The following HMGN1 variants were observed in gnomAD, a reference collection of about 807,000 sequenced individuals.
The protein encoded by HMGN1 is non-histone chromosomal protein HMG-14.
In HMGN1, 9 loss-of-function variants were observed where a neutral mutation model predicts 18.4. The ratio of observed to expected loss-of-function variants is 0.49; its 90% CI spans 0.29 to 0.85. The LOEUF (loss-of-function observed/expected upper bound fraction) is 0.85, where lower values mean the gene tolerates loss of function less well. HMGN1 is among the 40% of genes least tolerant of loss of function. The pLI is 0.07. For missense variants in HMGN1, 151 were observed against 119.2 expected (o/e 1.27, Z -1.24); for synonymous variants, 59 against 45.0 (o/e 1.31, Z -1.24).
At chr21:39,345,800 G>C in intron 4 of HMGN1, 1 of 1,294,252 alleles carries the variant, frequency 7.7e-7, no homozygotes, top group East Asian at 5.5e-5. Context: ...GTCCTCACAA[G>C]ACCTTAACCC....
Position 39,349,087 on chromosome 21 carries a change from A to C in HMGN1, c.-170T>G. 2 of 717,720 alleles carry C rather than the reference A, an allele frequency of 2.8e-6. No individual in the cohort carries two copies. The highest frequency in any genetic ancestry group is 1.9e-6 in the Non-Finnish European group (1 of 537,380). 44.5% of individuals were successfully genotyped at this position (717,720 alleles called of 1,614,324 possible). On this transcript the variant is annotated 5_prime_UTR_variant, in exon 1 of 6. Transcript: ENST00000380749. ...ACAGCGGGGGCGGTGGGAGAACCGG[A>C]TGGAACCGGATTGGGAGCCCGCCTC... is the stretch of plus-strand genomic sequence containing the variant.
chr21:39,345,956 A>C, intron 4 of HMGN1: 2 of 1,301,216 alleles, frequency 1.5e-6, no homozygotes, highest in Non-Finnish European at 2.0e-6. Context: ...GTGTTTGAAG[A>C]ATCTGAAAAG....
chr21:39,348,169 T>C, intron 4 of HMGN1, 123 bp downstream of exon 4: 3 of 1,314,836 alleles, frequency 2.3e-6, no homozygotes, highest in South Asian at 1.3e-5. Flanking sequence ...ACTAGAAAAA[T>C]TATTTACCGT....
intron 4 of HMGN1, chr21:39,348,000 AC>A: frequency 8.0e-7 from 1 of 1,243,052 alleles, no homozygotes; most frequent in Non-Finnish European, 1.0e-6. Flanking sequence ...AAAGCCAAGC[AC>A]CAGCCACAAT....
chr21:39,347,546 T>C, intron 4 of HMGN1: 2 of 552,244 alleles, frequency 3.6e-6, no homozygotes, highest in South Asian at 3.1e-5. Context: ...TAGCAAACTC[T>C]CACCTAAGTT....
chr21:39,342,816 T>C lies in HMGN1; in HGVS notation c.*296A>G, dbSNP rs1249645788. 1 of 1,402,708 alleles carries C rather than the reference T, an allele frequency of 7.1e-7. No individual in the cohort carries two copies. Among genetic ancestry groups the C allele is most frequent in the East Asian group, 3.5e-5 (1 of 28,446 alleles). 86.9% of individuals were successfully genotyped at this position (1,402,708 alleles called of 1,614,324 possible). ...GCTTTGTATTATAGGATATAAAAACTAACCCCCCATCTGTGGAATGTTAAG... is the reference window on the plus strand; with the variant it reads ...GCTTTGTATTATAGGATATAAAAACCAACCCCCCATCTGTGGAATGTTAAG... On this transcript the variant is annotated 3_prime_UTR_variant, in exon 6 of 6. Coordinates refer to ENST00000380749, the MANE Select transcript of HMGN1 (RefSeq NM_004965.7).
chr21:39,345,741 G>A lies in HMGN1; in HGVS notation c.127-467C>T, dbSNP rs547456155. On this transcript the variant is annotated intron_variant, in intron 4 of 5. Coordinates refer to ENST00000380749, the MANE Select transcript of HMGN1 (RefSeq NM_004965.7). ...AGTTGAATACCGGAGGAGTCTCGTC[G>A]ACCGTATTCCCACCCATCCCCAAAT... 8.0e-5 allele frequency: 75 copies of A among 935,570 alleles called. No homozygotes were observed. In the African/African-American group the frequency reaches 1.2e-3, roughly 14 times the overall value. 58.0% of individuals were successfully genotyped at this position (935,570 alleles called of 1,614,324 possible).
rs1374200574 is a variant in HMGN1 at position 39,343,126 on chromosome 21, CTTCT to C, written c.285_288del (p.Glu96ProfsTer109). 1 of 1,594,042 alleles carries C rather than the reference CTTCT, an allele frequency of 6.3e-7. No individual in the cohort carries two copies. The highest frequency in any genetic ancestry group is 1.3e-5 in the African/African-American group (1 of 74,236). On this transcript the variant is annotated frameshift_variant, in exon 6 of 6. Coordinates refer to ENST00000380749, the MANE Select transcript of HMGN1 (RefSeq NM_004965.7). LOFTEE classifies it high-confidence loss of function. ...GTATATGGTTATTAATCAGACTTGG[CTTCT>C]TTCTCTCCTGCTTCATCAGAGGCTG...
Position 39,348,468 on chromosome 21 carries a change from G to C in HMGN1, c.49-17C>G. Reference sequence around the variant, plus strand: ...CCTCTTGGGCTTGGAGAAAGAAAAAGGAGAGTCAGCGAGAAGAGAAGGCAG... The same window carrying C: ...CCTCTTGGGCTTGGAGAAAGAAAAACGAGAGTCAGCGAGAAGAGAAGGCAG... On this transcript the variant is annotated splice_polypyrimidine_tract_variant and intron_variant, in intron 2 of 5. Coordinates refer to ENST00000380749, the MANE Select transcript of HMGN1 (RefSeq NM_004965.7). The C allele has an allele frequency of 1.2e-6, 2 of 1,614,182 alleles. No homozygotes were observed. Among genetic ancestry groups the C allele is most frequent in the Non-Finnish European group, 1.7e-6 (2 of 1,180,026 alleles).
chr21:39,347,686 C>CGT (rs1029708658), intron 4 of HMGN1: 75 of 305,154 alleles, frequency 2.5e-4, no homozygotes, highest in African/African-American at 1.6e-3. Context: ...ATCAAACACA[C>CGT]GTACACCCAA....
intron 1 of HMGN1, 83 bp downstream of exon 1, chr21:39,348,820 C>G: frequency 9.5e-7 from 1 of 1,050,552 alleles, no homozygotes; most frequent in Non-Finnish European, 1.2e-6. Flanking sequence ...ACCGTGGGTG[C>G]AACGGGGCCT....
chr21:39,349,024 C>A lies in HMGN1; in HGVS notation c.-107G>T. 1 of 1,147,308 alleles carries A rather than the reference C, an allele frequency of 8.7e-7. No individual in the cohort carries two copies. The highest frequency in any genetic ancestry group is 1.1e-6 in the Non-Finnish European group (1 of 922,560). 71.1% of individuals were successfully genotyped at this position (1,147,308 alleles called of 1,614,324 possible). ...CCTTCGCGAAACTGGGCTGCCTTGC[C>A]GCTGCCACTCCTCCCGCCGCCCGAG... is the stretch of plus-strand genomic sequence containing the variant. On this transcript the variant is annotated 5_prime_UTR_variant, in exon 1 of 6. Coordinates refer to ENST00000380749, the MANE Select transcript of HMGN1 (RefSeq NM_004965.7).
At position 39,345,849 on chromosome 21, in the gene HMGN1, C is replaced by T. The variant is rs772346772; in HGVS notation, c.127-575G>A. On this transcript the variant is annotated intron_variant, in intron 4 of 5. Transcript: ENST00000380749. Reference sequence around the variant, plus strand: ...AATCACCTGAAAAAAAGCACCATGCCGTACGGTCAGGTTGACTATCCTGCT... The same window carrying T: ...AATCACCTGAAAAAAAGCACCATGCTGTACGGTCAGGTTGACTATCCTGCT... 3.0e-5 allele frequency: 39 copies of T among 1,302,316 alleles called. No individual in the cohort carries two copies. The South Asian group carries it at 3.5e-4, about 12-fold the overall frequency. 80.7% of individuals were successfully genotyped at this position (1,302,316 alleles called of 1,614,324 possible). A position where few individuals can be genotyped will look rare whatever the true frequency, so the allele number is the denominator to read the frequency against.
intron 5 of HMGN1, among the ~76,000 whole-genome samples, chr21:39,344,256 C>CAAAAAAA (rs3067491): frequency 4.6e-4 from 52 of 113,486 alleles, no homozygotes; most frequent in African/African-American, 1.6e-3. Flanking sequence ...AATTCCGTCT[C>CAAAAAAA]AAAAAAAAAA....
chr21:39,348,850 G>A (rs1454515000), intron 1 of HMGN1, 53 bp downstream of exon 1: 24 of 1,062,126 alleles, frequency 2.3e-5, no homozygotes, highest in Non-Finnish European at 2.8e-5. Context: ...GGGGCCCGGC[G>A]GGGCGCCGGC....
chr21:39,346,001 A>C, intron 4 of HMGN1: 1 of 1,232,914 alleles, frequency 8.1e-7, no homozygotes, highest in Non-Finnish European at 1.1e-6. Flanking sequence ...AACTTGATAC[A>C]TTAAGTTCAA....
In HMGN1 at chr21:39,343,129, C is replaced by CTT; in HGVS notation, c.284_285dup (p.Glu96LysfsTer111). 2.5e-6 allele frequency: 4 copies of CTT among 1,594,962 alleles called. No individual in the cohort carries two copies. The highest frequency in any genetic ancestry group is 3.4e-6 in the Non-Finnish European group (4 of 1,167,528). ...TATGGTTATTAATCAGACTTGGCTTCTTTCTCTCCTGCTTCATCAGAGGCT... is the reference window on the plus strand; with the variant it reads ...TATGGTTATTAATCAGACTTGGCTTCTTTTTCTCTCCTGCTTCATCAGAGGCT... On this transcript the variant is annotated frameshift_variant, in exon 6 of 6. Transcript: ENST00000380749. LOFTEE classifies it high-confidence loss of function.
intron 5 of HMGN1, among the ~76,000 whole-genome samples, chr21:39,343,741 G>A (rs1465142903): frequency 6.6e-6 from 1 of 152,208 alleles, no homozygotes; most frequent in Admixed American, 6.5e-5. Context: ...TGATGAAAAT[G>A]TTGTGATCAG....
chr21:39,348,450 G>A lies in HMGN1; in HGVS notation c.50C>T (p.Pro17Leu), dbSNP rs371992209. Residue 17 changes from proline (P) to leucine (L), a missense_variant and splice_region_variant, in exon 3 of 6, where the codon CCC becomes CTC. Pro to Leu is a moderately conservative substitution (Grantham distance 98). Transcript: ENST00000380749. The part of the protein sequence containing the change: ...SSAEGAAKEE[P>L]KRRSARLSAK... The stretch of plus-strand genomic sequence containing the variant: ...TGACAACCGCGCCGATCTCCTCTTG[G>A]GCTTGGAGAAAGAAAAAGGAGAGTC... 4 of 1,614,066 alleles carry A rather than the reference G, an allele frequency of 2.5e-6. No individual in the cohort carries two copies. Among genetic ancestry groups the A allele is most frequent in the Non-Finnish European group, 3.4e-6 (4 of 1,180,036 alleles).
Sources: gnomAD v4.1 joint callset for allele counts (sites outside exome capture counted in the v4.1 genomes callset) on GRCh38, gnomAD v4.1.1 for gene constraint, MANE v1.5 for transcripts, NCBI Gene and HGNC (gene_info 2026-07-23, HGNC 2026-07-21) for gene names.